CYTH4: variants seen among roughly 807,000 people sequenced by gnomAD.
CYTH4 encodes the protein cytohesin-4.
Under a neutral mutation model 57.5 loss-of-function variants are expected in CYTH4, and 22 were observed. The ratio of observed to expected loss-of-function variants is 0.38; its 90% CI spans 0.27 to 0.55. CYTH4 has a LOEUF of 0.55. Among genes scored for constraint, CYTH4 ranks in the 20% least tolerant of loss-of-function variants. The pLI is 0.74. For missense variants in CYTH4, 420 were observed against 535.6 expected (o/e 0.78, Z 2.13); for synonymous variants, 186 against 206.5 (o/e 0.90, Z 0.85).
In CYTH4 at chr22:37,312,942, G is replaced by C. The variant is rs564120951; in HGVS notation, c.1113-497G>C. ...TGCTGGGCAGGGGCCGTGTCCCGGG[G>C]ACTTGCAGGGTCTTTTCCCCTGGGC... On this transcript the variant is annotated intron_variant, in intron 12 of 12. Transcript: ENST00000248901. Among the ~76,000 whole-genome samples the C allele has an allele frequency of 7.0e-4, 106 of 152,366 alleles. 1 individual carries two copies. Among genetic ancestry groups the C allele is most frequent in the Admixed American group, 7.2e-4 (11 of 15,306 alleles).
rs182096139 is a variant in CYTH4 at position 37,290,450 on chromosome 22, G to T, written c.20-2171G>T. On this transcript the variant is annotated intron_variant, in intron 1 of 12. Transcript: ENST00000248901. Reference sequence around the variant, plus strand: ...CCTTCAGTCCCGACGTTCTGTATCTGAAAACTGGGGTAGGTCCTGAAACCA... The same window carrying T: ...CCTTCAGTCCCGACGTTCTGTATCTTAAAACTGGGGTAGGTCCTGAAACCA... Among the ~76,000 whole-genome samples the T allele has an allele frequency of 2.6e-4, 39 of 152,306 alleles. No homozygotes were observed. In the East Asian group the frequency reaches 6.4e-3, roughly 25 times the overall value.
In CYTH4 at chr22:37,314,649, G is replaced by T. The variant is rs1297057449; in HGVS notation, c.*1138G>T. ...GCAGAAGTATTATCAGAGTAGAGCT[G>T]ACTTCCAGTACCCGGGCAGCCAGCT... is the stretch of plus-strand genomic sequence containing the variant. On this transcript the variant is annotated 3_prime_UTR_variant, in exon 13 of 13. Transcript: ENST00000248901. The T allele has an allele frequency of 5.2e-6, 2 of 381,928 alleles. No individual in the cohort carries two copies. The highest frequency in any genetic ancestry group is 4.5e-5 in the Admixed American group (1 of 22,154). 23.7% of individuals were successfully genotyped at this position (381,928 alleles called of 1,614,324 possible).
At chr22:37,294,056 G>A (rs560325093) in intron 2 of CYTH4, among the ~76,000 whole-genome samples, 127 of 151,330 alleles carry the variant, frequency 8.4e-4, no homozygotes, top group African/African-American at 2.9e-3. Flanking sequence ...CCAGAGAGAA[G>A]CTGAGGAAGC....
chr22:37,294,714 G>A lies in CYTH4; in HGVS notation c.157G>A (p.Ala53Thr), dbSNP rs1185972551. 1.2e-6 allele frequency: 2 copies of A among 1,613,906 alleles called. No individual in the cohort carries two copies. Among genetic ancestry groups the A allele is most frequent in the Non-Finnish European group, 1.7e-6 (2 of 1,179,842 alleles). The change falls in exon 3 of 13, where the codon GCG becomes ACG. Residue 53 changes from alanine to threonine, a missense_variant. Physicochemically the swap from Ala to Thr is moderately conservative, Grantham distance 58. Coordinates refer to ENST00000248901, the MANE Select transcript of CYTH4 (RefSeq NM_013385.5). ...VFAQIDCFES[A>T]EESRMAQKEK... ...TGCCCAAATCGACTGCTTCGAGAGTGCGGAGGAGAGGTGAGGGGCTTGGGT... is the reference window on the plus strand; with the variant it reads ...TGCCCAAATCGACTGCTTCGAGAGTACGGAGGAGAGGTGAGGGGCTTGGGT...
At chr22:37,288,436 A>G (rs1049871745) in intron 1 of CYTH4, among the ~76,000 whole-genome samples, 10 of 152,110 alleles carry the variant, frequency 6.6e-5, no homozygotes, top group African/African-American at 2.4e-4. Flanking sequence ...TAAATAAAAA[A>G]TTAGCCGGGC....
rs146745495 is a variant in CYTH4, at chr22:37,308,669, C to T, written c.697-543C>T. Among the ~76,000 whole-genome samples the T allele has an allele frequency of 2.7e-3, 403 of 149,144 alleles. 2 individuals carry two copies. Among genetic ancestry groups the T allele is most frequent in the African/African-American group, 8.1e-3 (328 of 40,260 alleles). On this transcript the variant is annotated intron_variant, in intron 8 of 12. Transcript: ENST00000248901. ...ATGTATGTGTGCATATATGTGTGAGCGTGCTTGCATGTGTAAGTATGCATG... is the reference window on the plus strand; with the variant it reads ...ATGTATGTGTGCATATATGTGTGAGTGTGCTTGCATGTGTAAGTATGCATG...
In CYTH4 at chr22:37,292,617, G is replaced by A; in HGVS notation, c.20-4G>A. Reference sequence around the variant, plus strand: ...GATGGGGAAGGCCGGTTGTCTCTCTGTAGAGCCCGCGGAGCTGAGCAGCGG... The same window carrying A: ...GATGGGGAAGGCCGGTTGTCTCTCTATAGAGCCCGCGGAGCTGAGCAGCGG... On this transcript the variant is annotated splice_region_variant and splice_polypyrimidine_tract_variant and intron_variant, in intron 1 of 12. Transcript: ENST00000248901. 2 of 1,613,696 alleles carry A rather than the reference G, an allele frequency of 1.2e-6. No individual in the cohort carries two copies. The highest frequency in any genetic ancestry group is 1.7e-6 in the Non-Finnish European group (2 of 1,179,878).
At chr22:37,282,795 TC>T (rs1181547287) in intron 1 of CYTH4, among the ~76,000 whole-genome samples, 2 of 152,320 alleles carry the variant, frequency 1.3e-5, no homozygotes, top group Middle Eastern at 3.4e-3. Flanking sequence ...AGACGCTGTT[TC>T]CCCCTTCATA....
chr22:37,288,225 C>T (rs980608824), intron 1 of CYTH4, among the ~76,000 whole-genome samples: 1 of 152,128 alleles, frequency 6.6e-6, no homozygotes, highest in Non-Finnish European at 1.5e-5. Context: ...CCATCCTGGC[C>T]AACATGGTGA....
At chr22:37,307,031 A>C (rs1929422794) in intron 8 of CYTH4, among the ~76,000 whole-genome samples, 1 of 152,086 alleles carries the variant, frequency 6.6e-6, no homozygotes, top group Non-Finnish European at 1.5e-5. Flanking sequence ...AGGAGCAGAA[A>C]CTCCCCAGAG....
intron 12 of CYTH4, 34 bp downstream of exon 12, chr22:37,312,208 G>A (rs772332216): frequency 8.7e-6 from 14 of 1,603,708 alleles, no homozygotes; most frequent in South Asian, 4.4e-5. Context: ...ACGGCTTCCC[G>A]TCACCTTCCA....
chr22:37,309,959 C>T (rs777747123), intron 9 of CYTH4: 1 of 464,276 alleles, frequency 2.2e-6, no homozygotes, highest in South Asian at 1.6e-5. Context: ...GCCGTCTGCC[C>T]CTGCCTCCCA....
intron 3 of CYTH4, among the ~76,000 whole-genome samples, chr22:37,294,946 G>A (rs1026911612): frequency 2.0e-5 from 3 of 152,088 alleles, no homozygotes; most frequent in Admixed American, 6.5e-5. Context: ...GAGACACTGC[G>A]TCCTCCCCTC....
chr22:37,303,181 G>A, intron 7 of CYTH4, 73 bp from the exon 8 acceptor site: 1 of 1,585,902 alleles, frequency 6.3e-7, no homozygotes, highest in South Asian at 1.1e-5. Flanking sequence ...GCAGTTCTGG[G>A]CCCTGGAAGG....
chr22:37,304,954 G>T (rs1929343726), intron 8 of CYTH4, among the ~76,000 whole-genome samples: 1 of 152,188 alleles, frequency 6.6e-6, no homozygotes, highest in South Asian at 2.1e-4. Flanking sequence ...CTAAAGTAGG[G>T]CCTGTGGCCT....
Position 37,300,981 on chromosome 22 carries a change from G to A in CYTH4, c.509G>A (p.Arg170Gln), listed in dbSNP as rs774033536. 4.3e-5 allele frequency: 69 copies of A among 1,614,186 alleles called. 1 individual carries two copies. In the East Asian group the frequency reaches 5.8e-4, roughly 14 times the overall value. Residue 170 changes from arginine to glutamine, a missense_variant, in exon 7 of 13, where the codon CGA becomes CAA. Transcript: ENST00000248901. ...IDRMMEAFAT[R>Q]YCLCNPGVFQ... ...CGGATGATGGAGGCCTTTGCCACTC[G>A]ATACTGCCTCTGCAACCCAGGCGTC...
intron 1 of CYTH4, among the ~76,000 whole-genome samples, chr22:37,288,583 C>A (rs78320578): frequency 3.8e-4 from 54 of 141,786 alleles, no homozygotes; most frequent in East Asian, 4.1e-4. Flanking sequence ...AAGACTGTCT[C>A]AAAAAAAAAA....
chr22:37,284,366 T>C (rs1424202976), intron 1 of CYTH4, among the ~76,000 whole-genome samples: 1 of 152,050 alleles, frequency 6.6e-6, no homozygotes, highest in Admixed American at 6.5e-5. Context: ...AGGAGCCACA[T>C]CCTGCAGGAC....
chr22:37,296,379 G>A, intron 4 of CYTH4: 1 of 356,622 alleles, frequency 2.8e-6, no homozygotes. Context: ...TGGGACAGTG[G>A]AGCTCTTGGA....
Sources: allele counts gnomAD v4.1 joint callset (sites outside exome capture counted in the v4.1 genomes callset), GRCh38; gene constraint gnomAD v4.1.1; transcripts MANE v1.5; gene names NCBI Gene and HGNC (gene_info 2026-07-23, HGNC 2026-07-21).